Variants in SMAD3 observed in about 807,000 individuals in gnomAD.
The protein encoded by SMAD3 is MAD homolog 3.
SMAD3 carries 12 observed loss-of-function variants against 51.8 expected under a neutral mutation model. The observed-to-expected ratio is 0.23, with a 90% CI of 0.15 to 0.38. SMAD3 has a LOEUF of 0.38. Ranked by LOEUF, SMAD3 falls within the 10% of genes least tolerant of loss-of-function variation. The pLI, the probability that SMAD3 is intolerant of heterozygous loss-of-function variation, is 1.00. For synonymous variants in SMAD3, 238 were observed against 227.7 expected (o/e 1.05, Z -0.41); for missense variants, 294 against 565.6 (o/e 0.52, Z 4.87).
Position 67,138,044 on chromosome 15 carries a change from T to G in SMAD3, c.207-26851T>G, listed in dbSNP as rs537831359. 1.9e-6 allele frequency: 3 copies of G among 1,550,742 alleles called. No individual in the cohort carries two copies. The South Asian group carries it at 3.6e-5, about 18-fold the overall frequency. On this transcript the variant is annotated intron_variant, in intron 1 of 8. Coordinates refer to ENST00000327367, the MANE Select transcript of SMAD3 (RefSeq NM_005902.4). ...TCACAAACATGTCTTGCCTGCACCCTAGGCAAACGTGGAAAGGCGCAGCTC... is the reference window on the plus strand; with the variant it reads ...TCACAAACATGTCTTGCCTGCACCCGAGGCAAACGTGGAAAGGCGCAGCTC...
chr15:67,096,134 A>G (rs1431457221), intron 1 of SMAD3, among the ~76,000 whole-genome samples: 1 of 152,234 alleles, frequency 6.6e-6, no homozygotes, highest in Non-Finnish European at 1.5e-5. Flanking sequence ...TCAACGACCA[A>G]AGAACCCCAT....
intron 5 of SMAD3, among the ~76,000 whole-genome samples, chr15:67,178,444 A>G (rs1962964969): frequency 6.6e-6 from 1 of 152,066 alleles, no homozygotes; most frequent in Admixed American, 6.5e-5. Context: ...TCAAAGCTAT[A>G]TGTTCAAGCT....
At position 67,118,103 on chromosome 15, in the gene SMAD3, AAG is replaced by A. The variant is rs549391129; in HGVS notation, c.207-46785_207-46784del. Among the ~76,000 whole-genome samples, 559 of 152,326 alleles carry A rather than the reference AAG, an allele frequency of 3.7e-3. 2 individuals carry two copies. The highest frequency in any genetic ancestry group is 6.4e-3 in the Non-Finnish European group (437 of 68,024). On this transcript the variant is annotated intron_variant, in intron 1 of 8. Coordinates refer to ENST00000327367, the MANE Select transcript of SMAD3 (RefSeq NM_005902.4). ...TGAGACAATGTCTCAAAAAATAAAA[AAG>A]AGAGAGTCTGAAATTCATTCTTTCA... is the stretch of plus-strand genomic sequence containing the variant.
chr15:67,127,717 C>G (rs1222630760), intron 1 of SMAD3, among the ~76,000 whole-genome samples: 1 of 152,196 alleles, frequency 6.6e-6, no homozygotes, highest in East Asian at 1.9e-4. Flanking sequence ...GTTTGTACAT[C>G]CATTTATTCA....
At chr15:67,175,897 A>G (rs996554485) in intron 5 of SMAD3, among the ~76,000 whole-genome samples, 1 of 152,006 alleles carries the variant, frequency 6.6e-6, no homozygotes, top group Non-Finnish European at 1.5e-5. Flanking sequence ...TCTTCCCCAC[A>G]CTTGTGAAAT....
chr15:67,102,538 G>T, intron 1 of SMAD3, among the ~76,000 whole-genome samples: 1 of 152,114 alleles, frequency 6.6e-6, no homozygotes, highest in Non-Finnish European at 1.5e-5. Flanking sequence ...TCATCTGTGG[G>T]AATTGTATGT....
intron 4 of SMAD3, 112 bp downstream of exon 4, chr15:67,166,965 C>CAAATACTGGAGAGAG: frequency 1.1e-6 from 1 of 890,802 alleles, no homozygotes; most frequent in Non-Finnish European, 1.8e-6. Flanking sequence ...TCTCTCTCTC[C>CAAATACTGGAGAGAG]AGTATTTGTA....
intron 1 of SMAD3, among the ~76,000 whole-genome samples, chr15:67,084,221 G>A (rs1595890326): frequency 6.6e-6 from 1 of 150,940 alleles, no homozygotes; most frequent in Admixed American, 6.6e-5. Context: ...CACTACAGGC[G>A]TCTGCCACCA....
At chr15:67,098,130 C>T (rs1467515341) in intron 1 of SMAD3, among the ~76,000 whole-genome samples, 2 of 152,136 alleles carry the variant, frequency 1.3e-5, no homozygotes, top group Non-Finnish European at 2.9e-5. Context: ...AACTTAAGTA[C>T]TGGTGTTAGG....
intron 1 of SMAD3, among the ~76,000 whole-genome samples, chr15:67,087,706 C>A (rs1595891963): frequency 6.6e-6 from 1 of 152,006 alleles, no homozygotes; most frequent in Non-Finnish European, 1.5e-5. Context: ...GATAAGAAAG[C>A]CCTGTATAGA....
chr15:67,174,915 C>T (rs1962847520), intron 5 of SMAD3, among the ~76,000 whole-genome samples: 1 of 152,224 alleles, frequency 6.6e-6, no homozygotes, highest in Non-Finnish European at 1.5e-5. Flanking sequence ...AAAGCCACTT[C>T]TGGTAAGGGG....
intron 1 of SMAD3, among the ~76,000 whole-genome samples, chr15:67,091,830 T>C (rs1165641635): frequency 6.6e-6 from 1 of 152,118 alleles, no homozygotes; most frequent in Non-Finnish European, 1.5e-5. Context: ...AGGAACTACA[T>C]CAGGTATTTA....
chr15:67,119,630 C>G (rs978549252), intron 1 of SMAD3, among the ~76,000 whole-genome samples: 4 of 152,024 alleles, frequency 2.6e-5, no homozygotes, highest in Non-Finnish European at 4.4e-5. Flanking sequence ...AAATTCAGAC[C>G]CGCACACACT....
chr15:67,186,132 C>T (rs1424114881), intron 7 of SMAD3, among the ~76,000 whole-genome samples: 1 of 152,244 alleles, frequency 6.6e-6, no homozygotes, highest in African/African-American at 2.4e-5. Flanking sequence ...CAGAGAGTTT[C>T]AGCCACCTGC....
intron 1 of SMAD3, among the ~76,000 whole-genome samples, chr15:67,125,197 A>G (rs1961354658): frequency 6.6e-6 from 1 of 152,178 alleles, no homozygotes; most frequent in African/African-American, 2.4e-5. Context: ...CCCTCTGGAC[A>G]GTTCTTGCTT....
chr15:67,132,891 C>T (rs779940993), intron 1 of SMAD3, among the ~76,000 whole-genome samples: 1 of 152,162 alleles, frequency 6.6e-6, no homozygotes, highest in African/African-American at 2.4e-5. Context: ...ATCAGACTCC[C>T]CGTAACTTCT....
At chr15:67,134,514 G>C (rs770541515) in intron 1 of SMAD3, among the ~76,000 whole-genome samples, 15 of 152,182 alleles carry the variant, frequency 9.9e-5, no homozygotes, top group Non-Finnish European at 2.2e-4. Context: ...AGAGTTCACA[G>C]TCCTTGCTTC....
At chr15:67,107,909 G>C (rs1960914027) in intron 1 of SMAD3, among the ~76,000 whole-genome samples, 1 of 152,126 alleles carries the variant, frequency 6.6e-6, no homozygotes, top group Non-Finnish European at 1.5e-5. Flanking sequence ...CCCTCACCTA[G>C]GTGACTGGGC....
intron 5 of SMAD3, among the ~76,000 whole-genome samples, chr15:67,170,890 G>T (rs980609563): frequency 1.3e-5 from 2 of 152,256 alleles, no homozygotes; most frequent in African/African-American, 4.8e-5. Context: ...ATGCCCAGGA[G>T]AACGAGGGTC....
Sources: gnomAD v4.1 joint callset for allele counts (sites outside exome capture counted in the v4.1 genomes callset) on GRCh38, gnomAD v4.1.1 for gene constraint, MANE v1.5 for transcripts, NCBI Gene and HGNC (gene_info 2026-07-23, HGNC 2026-07-21) for gene names.